ZP3: variants seen among roughly 807,000 people sequenced by gnomAD.
ZP3 encodes zona pellucida glycoprotein 3, also known as zona pellucida sperm-binding protein 3.
In ZP3, 21 loss-of-function variants were observed where a neutral mutation model predicts 35.6. That is an observed-to-expected ratio of 0.59 (90% CI 0.42 to 0.85). ZP3 has a LOEUF of 0.85. Among genes scored for constraint, ZP3 ranks in the 40% least tolerant of loss-of-function variants. ZP3 has a pLI of 0.00. For missense variants in ZP3, 437 were observed against 536.5 expected, an observed-to-expected ratio of 0.81 and a Z score of 1.83; for synonymous variants, 207 against 214.5, an observed-to-expected ratio of 0.96 and a Z score of 0.31.
At chr7:76,439,475 GGCGGACAGATCACTTGA>G in intron 5 of ZP3, among the ~76,000 whole-genome samples, 1 of 150,830 alleles carries the variant, frequency 6.6e-6, no homozygotes, top group African/African-American at 2.4e-5. Context: ...GGGAGGCTGA[GGCGGACAGATCACTTGA>G]GCCCAGGAGT....
intron 2 of ZP3, among the ~76,000 whole-genome samples, chr7:76,430,066 A>T (rs1369932696): frequency 6.6e-6 from 1 of 152,016 alleles, no homozygotes; most frequent in African/African-American, 2.4e-5. Flanking sequence ...TACTAAAAAC[A>T]CAGAAATTAG....
rs763824181 is a variant in ZP3 at position 76,425,022 on chromosome 7, T to C, written c.58T>C (p.Cys20Arg). 6.3e-7 allele frequency: 1 copy of C among 1,586,638 alleles called. No homozygotes were observed. The highest frequency in any genetic ancestry group is 1.3e-5 in the African/African-American group (1 of 74,446). Residue 20 changes from cysteine to arginine, a missense_variant, in exon 1 of 8, where the codon TGC (cysteine) becomes CGC (arginine). Coordinates refer to ENST00000394857, the MANE Select transcript of ZP3 (RefSeq NM_001110354.2). The part of the protein sequence containing the change: ...CLLLWGSTEL[C>R]YPQPLWLLQG... ...CCTGCTCTGGGGTAGTACTGAGCTG[T>C]GCTACCCCCAACCCCTCTGGCTCTT...
Position 76,424,984 on chromosome 7 carries a change from T to A in ZP3, c.20T>A (p.Leu7His). The A allele has an allele frequency of 6.5e-7, 1 of 1,546,434 alleles. No homozygotes were observed. Among genetic ancestry groups the A allele is most frequent in the East Asian group, 2.4e-5 (1 of 41,124 alleles). Residue 7 changes from leucine (L) to histidine (H), a missense_variant, in exon 1 of 8, where the codon CTC becomes CAC. Leu to His is a moderately conservative substitution (Grantham distance 99). Transcript: ENST00000394857. MELSYR[L>H]FICLLLWGST... ...GGTACCATGGAGCTGAGCTATAGGC[T>A]CTTCATCTGCCTCCTGCTCTGGGGT...
intron 1 of ZP3, among the ~76,000 whole-genome samples, chr7:76,407,657 C>G (rs959990527): frequency 1.3e-5 from 2 of 152,052 alleles, no homozygotes; most frequent in African/African-American, 4.8e-5. Context: ...CACTTGAGCC[C>G]AGGAGTTCAA....
intron 1 of ZP3, chr7:76,397,891 C>A: frequency 2.8e-6 from 4 of 1,441,900 alleles, no homozygotes; most frequent in Non-Finnish European, 3.7e-6. Context: ...CCCGTCCGCA[C>A]CGCAAGGGCA....
Position 76,402,947 on chromosome 7 carries a change from G to A in ZP3, c.-67+5150G>A, listed in dbSNP as rs148121534. Among the ~76,000 whole-genome samples the A allele has an allele frequency of 3.4e-3, 511 of 152,342 alleles. 3 individuals carry two copies. Among genetic ancestry groups the A allele is most frequent in the African/African-American group, 9.5e-3 (396 of 41,576 alleles). ...CTCCCAGAGTGCTGGGATTACAGGCGTGAGCCACTGCACCCGGCCTTCATT... is the reference window on the plus strand; with the variant it reads ...CTCCCAGAGTGCTGGGATTACAGGCATGAGCCACTGCACCCGGCCTTCATT... On this transcript the variant is annotated intron_variant, in intron 1 of 8. Transcript: ENST00000336517.
At chr7:76,430,216 T>C (rs193160606) in intron 2 of ZP3, among the ~76,000 whole-genome samples, 1 of 151,870 alleles carries the variant, frequency 6.6e-6, no homozygotes, top group Admixed American at 6.6e-5. Context: ...TCGCAAAAAA[T>C]AATAATAAAA....
chr7:76,435,932 G>A (rs1400283610), intron 5 of ZP3, among the ~76,000 whole-genome samples: 2 of 151,202 alleles, frequency 1.3e-5, no homozygotes, highest in Non-Finnish European at 2.9e-5. Flanking sequence ...CATCATTTTG[G>A]CCAGGCTGGT....
In ZP3 at chr7:76,442,056, AAAG is replaced by A. The variant is rs761016268; in HGVS notation, c.*6_*8del. 1.1e-4 allele frequency: 76 copies of A among 717,408 alleles called. No homozygotes were observed. Among genetic ancestry groups the A allele is most frequent in the Non-Finnish European group, 1.5e-4 (64 of 428,274 alleles). 44.4% of individuals were successfully genotyped at this position (717,408 alleles called of 1,614,324 possible). Reference sequence around the variant, plus strand: ...CCCACCCTGTGTCTGCTTCCGAATAAAAGAAGAAAGCAATATCTGGTCGTGGTG... The same window carrying A: ...CCCACCCTGTGTCTGCTTCCGAATAAAAGAAAGCAATATCTGGTCGTGGTG... On this transcript the variant is annotated 3_prime_UTR_variant, in exon 8 of 8. Transcript: ENST00000394857.
chr7:76,415,294 G>A lies in ZP3; in HGVS notation c.-66-9758G>A, dbSNP rs1052479819. Among the ~76,000 whole-genome samples, 13 of 143,582 alleles carry A rather than the reference G, an allele frequency of 9.1e-5. No homozygotes were observed. The East Asian group carries it at 1.5e-3, about 17-fold the overall frequency. 94.2% of individuals were successfully genotyped at this position (143,582 alleles called of 152,430 possible). On this transcript the variant is annotated intron_variant, in intron 1 of 8. Transcript: ENST00000336517. ...GGCAGGAGAATCCTTGGAACCCGGGGAGCGGAGGTTTCAGTGAGCCGAGAT... is the reference window on the plus strand; with the variant it reads ...GGCAGGAGAATCCTTGGAACCCGGGAAGCGGAGGTTTCAGTGAGCCGAGAT...
At chr7:76,415,265 C>G (rs1395391713) in intron 1 of ZP3, among the ~76,000 whole-genome samples, 1 of 148,084 alleles carries the variant, frequency 6.8e-6, no homozygotes, top group East Asian at 2.1e-4. Flanking sequence ...ACTTGGGAAG[C>G]TGAGGCAGGA....
chr7:76,423,007 A>AAGAGAGAGAGAG (rs747350112), upstream of ZP3, among the ~76,000 whole-genome samples: 243 of 76,094 alleles, frequency 3.2e-3, 14 homozygotes, highest in Middle Eastern at 6.4e-3. Context: ...AAAAGAAAGA[A>AAGAGAGAGAGAG]AGAGAGAGAG....
chr7:76,440,140 C>T, intron 5 of ZP3, 110 bp from the exon 6 acceptor site: 5 of 1,476,666 alleles, frequency 3.4e-6, no homozygotes, highest in African/African-American at 1.4e-5. Context: ...TGCCAATGCA[C>T]CCGGCCCCTT....
At position 76,425,072 on chromosome 7, in the gene ZP3, G is replaced by A; in HGVS notation, c.108G>A (p.Glu36=). ...TGCAGGGTGGAGCCAGCCATCCTGA[G>A]ACGTCCGTACAGCCCGTACTGGTGG... The part of the protein sequence containing the change: ...WLLQGGASHP[E]TSVQPVLVEC... Residue 36 remains glutamate, a synonymous_variant, in exon 1 of 8, where the codon GAG becomes GAA. Coordinates refer to ENST00000394857, the MANE Select transcript of ZP3 (RefSeq NM_001110354.2). 1 of 1,613,250 alleles carries A rather than the reference G, an allele frequency of 6.2e-7. No homozygotes were observed. The highest frequency in any genetic ancestry group is 8.5e-7 in the Non-Finnish European group (1 of 1,179,840).
At chr7:76,404,748 A>C (rs1804945193) in intron 1 of ZP3, among the ~76,000 whole-genome samples, 1 of 151,634 alleles carries the variant, frequency 6.6e-6, no homozygotes. Context: ...CCTGGGTAAC[A>C]TGGCGAAAAC....
At chr7:76,441,484 G>A (rs997758904) in intron 7 of ZP3, among the ~76,000 whole-genome samples, 1 of 151,878 alleles carries the variant, frequency 6.6e-6, no homozygotes, top group Non-Finnish European at 1.5e-5. Context: ...TACCTCCCAG[G>A]TTCAAGCTAT....
Position 76,425,047 on chromosome 7 carries a change from T to A in ZP3, c.83T>A (p.Leu28Ter), listed in dbSNP as rs1805607696. ...ELCYPQPLWLLQGGASHPETS... is the reference protein window; with the variant it reads ...ELCYPQPLWL Reference sequence around the variant, plus strand: ...TGCTACCCCCAACCCCTCTGGCTCTTGCAGGGTGGAGCCAGCCATCCTGAG... The same window carrying A: ...TGCTACCCCCAACCCCTCTGGCTCTAGCAGGGTGGAGCCAGCCATCCTGAG... The change falls in exon 1 of 8, where the codon TTG becomes TAG. Residue 28 changes from leucine (L) to a stop codon, truncating the protein, a stop_gained. Transcript: ENST00000394857. LOFTEE classifies it high-confidence loss of function. 2 of 1,608,280 alleles carry A rather than the reference T, an allele frequency of 1.2e-6. No individual in the cohort carries two copies. The highest frequency in any genetic ancestry group is 1.1e-5 in the South Asian group (1 of 90,276).
At chr7:76,424,232 G>GAAGCTGT (rs1267682138), upstream of ZP3, among the ~76,000 whole-genome samples, 8 of 152,192 alleles carry the variant, frequency 5.3e-5, no homozygotes, top group African/African-American at 1.7e-4. Flanking sequence ...GGCCAGCAGG[G>GAAGCTGT]GATCGGAGGG....
chr7:76,441,499 C>T (rs1267207978), intron 7 of ZP3, among the ~76,000 whole-genome samples: 1 of 151,928 alleles, frequency 6.6e-6, no homozygotes, highest in Non-Finnish European at 1.5e-5. Flanking sequence ...AGCTATTCTC[C>T]TGCCTCAGCC....
Sources: gnomAD v4.1 joint callset for allele counts (sites outside exome capture counted in the v4.1 genomes callset) on GRCh38, gnomAD v4.1.1 for gene constraint, MANE v1.5 for transcripts, NCBI Gene and HGNC (gene_info 2026-07-23, HGNC 2026-07-21) for gene names.